SCOC: variants seen among roughly 807,000 people sequenced by gnomAD.
SCOC encodes short coiled-coil protein, also known as short coiled coil protein.
SCOC carries 7 observed loss-of-function variants against 9.9 expected under a neutral mutation model. That is an observed-to-expected ratio of 0.71 (90% CI 0.40 to 1.33). The LOEUF (loss-of-function observed/expected upper bound fraction) is 1.33, where lower values mean the gene tolerates loss of function less well. Among genes scored for constraint, SCOC ranks in the 40% most tolerant of loss-of-function variants. The pLI, the probability that SCOC is intolerant of heterozygous loss-of-function variation, is 0.01. For missense variants in SCOC, 66 were observed against 89.7 expected (o/e 0.74, Z 1.07); for synonymous variants, 19 against 28.2 (o/e 0.67, Z 1.03).
upstream of SCOC, among the ~76,000 whole-genome samples, chr4:140,370,450 C>T (rs142850741): frequency 4.3e-4 from 66 of 152,278 alleles, no homozygotes; most frequent in East Asian, 0.012. Flanking sequence ...AAATCACCTT[C>T]GTAACTTTCA....
At chr4:140,282,009 A>T (rs1731110371) in intron 1 of SCOC, among the ~76,000 whole-genome samples, 1 of 152,196 alleles carries the variant, frequency 6.6e-6, no homozygotes, top group Non-Finnish European at 1.5e-5. Context: ...CAAATAGGCT[A>T]CACTGCCCCC....
At chr4:140,376,835 C>G (rs1202133355) in intron 1 of SCOC, 1 of 152,070 alleles carries the variant, frequency 6.6e-6, no homozygotes, top group Non-Finnish European at 1.5e-5. Context: ...AAATATTAGT[C>G]TGAAACATAA....
intron 2 of SCOC, among the ~76,000 whole-genome samples, chr4:140,362,299 C>CTTTTTTTTTTTTTT (rs1183789218): frequency 2.6e-5 from 1 of 38,344 alleles, no homozygotes; most frequent in Non-Finnish European, 6.8e-5. Context: ...TCTTCTTCTT[C>CTTTTTTTTTTTTTT]TTTTTTTTTT....
chr4:140,366,245 A>C, intron 2 of SCOC: 1 of 1,222,930 alleles, frequency 8.2e-7, no homozygotes, highest in South Asian at 2.6e-5. Flanking sequence ...CTTTCTTGCC[A>C]AACGCTTTTG....
At chr4:140,374,284 T>A (rs919324143) in intron 1 of SCOC, 3 of 411,760 alleles carry the variant, frequency 7.3e-6, no homozygotes, top group Non-Finnish European at 1.5e-5. Context: ...GAAGAAAGGT[T>A]TGGAAAGGAG....
upstream of SCOC, among the ~76,000 whole-genome samples, chr4:140,340,982 G>C (rs2055944): frequency 6.6e-6 from 1 of 151,020 alleles, no homozygotes; most frequent in Non-Finnish European, 1.5e-5. Flanking sequence ...TTTTTTAGTA[G>C]AGACAGGGTT....
rs1017458012 is a variant in SCOC, at chr4:140,381,108, A to G, written c.*4A>G. 6.3e-7 allele frequency: 1 copy of G among 1,586,570 alleles called. No homozygotes were observed. Among genetic ancestry groups the G allele is most frequent in the South Asian group, 1.2e-5 (1 of 85,086 alleles). ...CACAAAAAGCAAAAGAAAGTAAGGG[A>G]TTGACACCCTTCTGTTTTATGGAAT... On this transcript the variant is annotated 3_prime_UTR_variant, in exon 4 of 4. Transcript: ENST00000608372.
chr4:140,285,069 T>C (rs1731226686), intron 1 of SCOC: 1 of 415,838 alleles, frequency 2.4e-6, no homozygotes, highest in Non-Finnish European at 4.9e-6. Context: ...CCATGCATTA[T>C]TTCCCTCACA....
At chr4:140,378,194 A>G (rs1365502432) in intron 1 of SCOC, among the ~76,000 whole-genome samples, 4 of 152,226 alleles carry the variant, frequency 2.6e-5, no homozygotes, top group East Asian at 1.9e-4. Flanking sequence ...CATTTATTCC[A>G]TATTAATATT....
upstream of SCOC, among the ~76,000 whole-genome samples, chr4:140,369,142 C>G (rs1306505859): frequency 6.6e-6 from 1 of 152,108 alleles, no homozygotes; most frequent in Non-Finnish European, 1.5e-5. Flanking sequence ...AATTTATTTA[C>G]TTTTGGTTAT....
rs1728484195 is a variant in SCOC, at chr4:140,379,589, G to A, written c.43G>A (p.Val15Met). The A allele has an allele frequency of 6.2e-7, 1 of 1,612,380 alleles. No homozygotes were observed. The highest frequency in any genetic ancestry group is 8.5e-7 in the Non-Finnish European group (1 of 1,179,250). Residue 15 changes from valine (V) to methionine (M), a missense_variant, in exon 3 of 4, where the codon GTG becomes ATG. Val to Met is a conservative substitution (Grantham distance 21). Transcript: ENST00000608372. ...TACAGCAGTTGATGCTGAAAATCAA[G>A]TGGAACTGGAGGAAAAAACAAGACT... ...DMDAVDAENQ[V>M]ELEEKTRLIN...
At chr4:140,308,189 T>A (rs1732046233) in intron 1 of SCOC, among the ~76,000 whole-genome samples, 1 of 152,196 alleles carries the variant, frequency 6.6e-6, no homozygotes, top group African/African-American at 2.4e-5. Context: ...AGGCTTGTTG[T>A]TAGGCCAGGC....
chr4:140,282,607 C>G (rs977694021), intron 1 of SCOC, among the ~76,000 whole-genome samples: 2 of 152,136 alleles, frequency 1.3e-5, no homozygotes, highest in Non-Finnish European at 2.9e-5. Context: ...TGTGCTAATG[C>G]TAAAGTCAAA....
At chr4:140,327,376 GT>G (rs1250752413) in intron 1 of SCOC, among the ~76,000 whole-genome samples, 3 of 152,054 alleles carry the variant, frequency 2.0e-5, no homozygotes, top group African/African-American at 4.8e-5. Flanking sequence ...AAACTGATCT[GT>G]TTTGAACTAT....
intron 1 of SCOC, among the ~76,000 whole-genome samples, chr4:140,316,850 A>C (rs2126475616): frequency 6.6e-6 from 1 of 152,338 alleles, no homozygotes; most frequent in African/African-American, 2.4e-5. Flanking sequence ...TCAGTCTACA[A>C]ATTAAGGTAT....
intron 2 of SCOC, chr4:140,366,459 T>C: frequency 1.3e-6 from 2 of 1,537,344 alleles, no homozygotes; most frequent in Non-Finnish European, 1.8e-6. Flanking sequence ...GGAGAAGCTT[T>C]TGGAGAGCTG....
chr4:140,373,625 G>A, upstream of SCOC: 1 of 1,551,658 alleles, frequency 6.4e-7, no homozygotes, highest in East Asian at 2.4e-5. Flanking sequence ...TTCTGTGGGC[G>A]GAGTGGGCGG....
upstream of SCOC, among the ~76,000 whole-genome samples, chr4:140,343,233 G>C (rs1726575499): frequency 6.6e-6 from 1 of 152,154 alleles, no homozygotes; most frequent in Admixed American, 6.5e-5. Context: ...TCCTTGAGAA[G>C]TTTACCGTGG....
rs1185589603 is a variant in SCOC, at chr4:140,381,125, T to C, written c.*21T>C. 1.3e-6 allele frequency: 2 copies of C among 1,560,080 alleles called. No individual in the cohort carries two copies. The highest frequency in any genetic ancestry group is 1.7e-6 in the Non-Finnish European group (2 of 1,163,566). On this transcript the variant is annotated 3_prime_UTR_variant, in exon 4 of 4. Coordinates refer to ENST00000608372, the MANE Select transcript of SCOC (RefSeq NM_001153484.2). The stretch of plus-strand genomic sequence containing the variant: ...AGTAAGGGATTGACACCCTTCTGTT[T>C]TATGGAATTGCTGCTGATCATTTTT...
Sources: gnomAD v4.1 joint callset for allele counts (sites outside exome capture counted in the v4.1 genomes callset) on GRCh38, gnomAD v4.1.1 for gene constraint, MANE v1.5 for transcripts, NCBI Gene and HGNC (gene_info 2026-07-23, HGNC 2026-07-21) for gene names.